Variants in UGT2B10 observed in about 807,000 individuals in gnomAD.
The protein encoded by UGT2B10 is UDP glucuronosyltransferase family 2 member B10, also known as UDP-glucuronosyltransferase 2B10.
Under a neutral mutation model 43.7 loss-of-function variants are expected in UGT2B10, and 51 were observed. The observed-to-expected ratio is 1.17, with a 90% CI of 0.93 to 1.47. The LOEUF is 1.47. UGT2B10 is among the 40% of genes most tolerant of loss of function. The pLI is 0.00. For synonymous variants in UGT2B10, 225 were observed against 209.0 expected (o/e 1.08, Z -0.66); for missense variants, 696 against 617.7 (o/e 1.13, Z -1.34).
In UGT2B10 at chr4:68,816,039, C is replaced by T. The variant is rs1264283381; in HGVS notation, c.20C>T (p.Thr7Ile). ...ACAAGGATGGCTCTGAAATGGACTA[C>T]AGTTCTGCTGATACAACTCAGTTTT... MALKWT[T>I]VLLIQLSFYF... Residue 7 changes from threonine to isoleucine, a missense_variant, in exon 1 of 6, where the codon ACA becomes ATA. Transcript: ENST00000265403. The T allele has an allele frequency of 6.2e-7, 1 of 1,612,604 alleles. No individual in the cohort carries two copies. Among genetic ancestry groups the T allele is most frequent in the Admixed American group, 1.7e-5 (1 of 59,816 alleles).
chr4:68,822,726 C>T (rs1371096227), intron 3 of UGT2B10, among the ~76,000 whole-genome samples: 1 of 152,094 alleles, frequency 6.6e-6, no homozygotes, highest in African/African-American at 2.4e-5. Context: ...ACAGTCATAC[C>T]TACTGCTGAA....
chr4:68,816,554 T>A lies in UGT2B10; in HGVS notation c.535T>A (p.Phe179Ile), dbSNP rs746847464. 1 of 1,613,034 alleles carries A rather than the reference T, an allele frequency of 6.2e-7. No individual in the cohort carries two copies. The highest frequency in any genetic ancestry group is 8.5e-7 in the Non-Finnish European group (1 of 1,179,398). The stretch of plus-strand genomic sequence containing the variant: ...TCACAGCTTCAGTCCTGGCTACTCA[T>A]TTGAAAGGCACAGTGGAGGATTTAT... Reference protein sequence around the residue: ...YSHSFSPGYSFERHSGGFIFP... With the variant: ...YSHSFSPGYSIERHSGGFIFP... The change falls in exon 1 of 6, where the codon TTT (phenylalanine) becomes ATT (isoleucine). Residue 179 changes from phenylalanine to isoleucine, a missense_variant. Transcript: ENST00000265403.
chr4:68,822,352 G>A lies in UGT2B10; in HGVS notation c.949G>A (p.Glu317Lys). 6 of 1,613,774 alleles carry A rather than the reference G, an allele frequency of 3.7e-6. No individual in the cohort carries two copies. Among genetic ancestry groups the A allele is most frequent in the Non-Finnish European group, 5.1e-6 (6 of 1,179,822 alleles). The change falls in exon 3 of 6, where the codon GAA becomes AAA. Residue 317 changes from glutamate (E) to lysine (K), a missense_variant. By Grantham distance (56) the Glu-to-Lys change is moderately conservative. Coordinates refer to ENST00000265403, the MANE Select transcript of UGT2B10 (RefSeq NM_001075.6). ...SLGSMVSNMTEERANVIATAL... is the reference protein window; with the variant it reads ...SLGSMVSNMTKERANVIATAL... ...GGGGTCAATGGTCAGTAACATGACA[G>A]AAGAAAGGGCCAACGTAATTGCAAC...
intron 1 of UGT2B10, among the ~76,000 whole-genome samples, chr4:68,817,439 A>C (rs1737268821): frequency 6.6e-6 from 1 of 151,788 alleles, no homozygotes. Context: ...CTCTATTTCA[A>C]TAATTTCTCA....
chr4:68,818,089 C>T lies in UGT2B10; in HGVS notation c.779C>T (p.Ser260Phe). 6.2e-7 allele frequency: 1 copy of T among 1,611,750 alleles called. No homozygotes were observed. Among genetic ancestry groups the T allele is most frequent in the East Asian group, 2.2e-5 (1 of 44,754 alleles). Residue 260 changes from serine (S) to phenylalanine (F), a missense_variant, in exon 2 of 6, where the codon TCC becomes TTC. By Grantham distance (155) the Ser-to-Phe change is radical. Coordinates refer to ENST00000265403, the MANE Select transcript of UGT2B10 (RefSeq NM_001075.6). ...GCTGACATATGGCTTATGCGAAACT[C>T]CTGGAATTTTAAATTTCCTCATCCA... ...RKADIWLMRN[S>F]WNFKFPHPFL... is the part of the protein sequence containing the mutation.
At position 68,831,396 on chromosome 4, in the gene UGT2B10, A is replaced by G. The variant is rs2109709580; in HGVS notation, c.*517A>G. 6.6e-6 allele frequency among the ~76,000 whole-genome samples: 1 copy of G among 152,234 alleles called. No individual in the cohort carries two copies. The highest frequency in any genetic ancestry group is 2.1e-4 in the South Asian group (1 of 4,818). ...GTATGTACCACCATAACTTTACAAA[A>G]TGAGATTTTTATATAAGAATGATTC... On this transcript the variant is annotated 3_prime_UTR_variant, in exon 6 of 6. Transcript: ENST00000265403.
chr4:68,816,540 G>A lies in UGT2B10; in HGVS notation c.521G>A (p.Ser174Asn), dbSNP rs61733532. ...NIPFVYSHSF[S>N]PGYSFERHSG... ...CCCTTTGTGTACAGTCACAGCTTCA[G>A]TCCTGGCTACTCATTTGAAAGGCAC... is the stretch of plus-strand genomic sequence containing the variant. Residue 174 changes from serine (S) to asparagine (N), a missense_variant, in exon 1 of 6, where the codon AGT becomes AAT. Coordinates refer to ENST00000265403, the MANE Select transcript of UGT2B10 (RefSeq NM_001075.6). The A allele has an allele frequency of 1.2e-6, 2 of 1,613,134 alleles. No individual in the cohort carries two copies. The highest frequency in any genetic ancestry group is 1.7e-4 in the Middle Eastern group (1 of 6,056).
intron 1 of UGT2B10, among the ~76,000 whole-genome samples, chr4:68,817,250 T>A (rs1737260314): frequency 6.6e-6 from 1 of 151,720 alleles, no homozygotes; most frequent in South Asian, 2.1e-4. Context: ...GATGCAAAAA[T>A]CAATAAGGGT....
At position 68,816,338 on chromosome 4, in the gene UGT2B10, C is replaced by T. The variant is rs759537073; in HGVS notation, c.319C>T (p.Pro107Ser). The stretch of plus-strand genomic sequence containing the variant: ...AATTCAAAAAGATACATTTTGGTTA[C>T]CTTTTTCACAAGAACAAGAAATCCT... Reference protein sequence around the residue: ...SEIQKDTFWLPFSQEQEILWA... With the variant: ...SEIQKDTFWLSFSQEQEILWA... Residue 107 changes from proline to serine, a missense_variant, in exon 1 of 6, where the codon CCT becomes TCT. Pro to Ser is a moderately conservative substitution (Grantham distance 74). Coordinates refer to ENST00000265403, the MANE Select transcript of UGT2B10 (RefSeq NM_001075.6). 1.9e-6 allele frequency: 3 copies of T among 1,612,914 alleles called. No homozygotes were observed. Among genetic ancestry groups the T allele is most frequent in the African/African-American group, 1.3e-5 (1 of 74,838 alleles).
chr4:68,818,260 A>G, intron 2 of UGT2B10, 83 bp downstream of exon 2: 6 of 1,562,422 alleles, frequency 3.8e-6, no homozygotes, highest in Non-Finnish European at 5.2e-6. Flanking sequence ...AGAGTGTTTG[A>G]CTAACACTGA....
chr4:68,826,535 C>T, intron 4 of UGT2B10, 38 bp downstream of exon 4: 3 of 1,585,314 alleles, frequency 1.9e-6, no homozygotes, highest in South Asian at 1.2e-5. Flanking sequence ...ATATTAGTAA[C>T]TGCACATTAG....
chr4:68,816,152 C>G lies in UGT2B10; in HGVS notation c.133C>G (p.Leu45Val), dbSNP rs776282333. 2 of 1,613,128 alleles carry G rather than the reference C, an allele frequency of 1.2e-6. No homozygotes were observed. The highest frequency in any genetic ancestry group is 2.7e-5 in the African/African-American group (2 of 74,832). Residue 45 changes from leucine (L) to valine (V), a missense_variant, in exon 1 of 6, where the codon CTT becomes GTT. By Grantham distance (32) the Leu-to-Val change is conservative. Coordinates refer to ENST00000265403, the MANE Select transcript of UGT2B10 (RefSeq NM_001075.6). ...GAATATGAAGACAATCCTGAAAGAA[C>G]TTGTTCAGAGAGGTCATGAGGTGAC... ...WMNMKTILKE[L>V]VQRGHEVTVL...
rs768472445 is a variant in UGT2B10, at chr4:68,816,408, T to G, written c.389T>G (p.Val130Gly). The change falls in exon 1 of 6, where the codon GTT becomes GGT. Residue 130 changes from valine to glycine, a missense_variant. Val to Gly is a moderately radical substitution (Grantham distance 109, BLOSUM62 -3). Transcript: ENST00000265403. Reference protein sequence around the residue: ...DIIRNFCKDVVSNKKLMKKLQ... With the variant: ...DIIRNFCKDVGSNKKLMKKLQ... ...ATTAGAAACTTCTGTAAAGATGTAG[T>G]TTCAAATAAGAAACTTATGAAAAAA... 6.2e-7 allele frequency: 1 copy of G among 1,612,780 alleles called. No individual in the cohort carries two copies.
intron 2 of UGT2B10, among the ~76,000 whole-genome samples, chr4:68,821,673 A>G (rs1166201256): frequency 2.8e-4 from 42 of 152,186 alleles, no homozygotes; most frequent in Admixed American, 6.5e-4. Flanking sequence ...TTTTTATTTT[A>G]TTTTTTGAAA....
intron 4 of UGT2B10, among the ~76,000 whole-genome samples, 181 bp from the exon 5 acceptor site, chr4:68,827,148 C>CA (rs376294960): frequency 0.02 from 3,102 of 152,140 alleles, 119 homozygotes; most frequent in African/African-American, 0.071. Flanking sequence ...TGAAGTCACA[C>CA]CACCATATAG....
At chr4:68,827,888 T>C (rs1737881312) in intron 5 of UGT2B10, among the ~76,000 whole-genome samples, 1 of 151,812 alleles carries the variant, frequency 6.6e-6, no homozygotes, top group South Asian at 2.1e-4. Flanking sequence ...AATGTTTTAA[T>C]TAAATATCTA....
chr4:68,820,900 A>G (rs1457639037), intron 2 of UGT2B10, among the ~76,000 whole-genome samples: 1 of 152,150 alleles, frequency 6.6e-6, no homozygotes, highest in East Asian at 1.9e-4. Context: ...CAACCAGTCA[A>G]TATCAGTGAT....
chr4:68,831,035 T>A lies in UGT2B10; in HGVS notation c.*156T>A. 1.0e-6 allele frequency: 1 copy of A among 956,438 alleles called. No homozygotes were observed. Among genetic ancestry groups the A allele is most frequent in the South Asian group, 1.8e-5 (1 of 54,144 alleles). 59.2% of individuals were successfully genotyped at this position (956,438 alleles called of 1,614,324 possible). A position where few individuals can be genotyped will look rare whatever the true frequency, so the allele number is the denominator to read the frequency against. On this transcript the variant is annotated 3_prime_UTR_variant, in exon 6 of 6. Coordinates refer to ENST00000265403, the MANE Select transcript of UGT2B10 (RefSeq NM_001075.6). ...CAAGTAAAAATTTGTTTTTCAGAGATTTACCACCCAGTTAATGGTTAGAAA... is the reference window on the plus strand; with the variant it reads ...CAAGTAAAAATTTGTTTTTCAGAGAATTACCACCCAGTTAATGGTTAGAAA...
chr4:68,816,846 T>A, intron 1 of UGT2B10, 109 bp downstream of exon 1: 1 of 929,822 alleles, frequency 1.1e-6, no homozygotes, highest in South Asian at 1.9e-5. Flanking sequence ...GGTAAATGAA[T>A]TTATGAAATG....
Sources: gnomAD v4.1 joint callset for allele counts (sites outside exome capture counted in the v4.1 genomes callset) on GRCh38, gnomAD v4.1.1 for gene constraint, MANE v1.5 for transcripts, NCBI Gene and HGNC (gene_info 2026-07-23, HGNC 2026-07-21) for gene names.